Variants in CLN3 observed in about 807,000 individuals in gnomAD.
CLN3 encodes CLN3 lysosomal/endosomal transmembrane protein, battenin.
In CLN3, 49 loss-of-function variants were observed where a neutral mutation model predicts 60.7. The ratio of observed to expected loss-of-function variants is 0.81; its 90% CI spans 0.64 to 1.02. CLN3 has a LOEUF of 1.02. Among genes scored for constraint, CLN3 ranks in the 50% least tolerant of loss-of-function variants. The probability of loss-of-function intolerance (pLI) is 0.00; values close to 1 mark genes in which losing one functional copy is unlikely to be tolerated. For missense variants in CLN3, 516 were observed against 557.4 expected (o/e 0.93, Z 0.75); for synonymous variants, 256 against 245.8 (o/e 1.04, Z -0.39).
At chr16:28,475,729 TTAA>T (rs1345607757), downstream of CLN3, 12 of 152,228 alleles carry the variant, frequency 7.9e-5, no homozygotes, top group African/African-American at 2.7e-4. Context: ...ACTCATGATT[TTAA>T]TAATGTTTCC....
intron 14 of CLN3, chr16:28,479,753 A>G (rs1330830904): frequency 4.8e-6 from 1 of 210,118 alleles, no homozygotes; most frequent in East Asian, 1.6e-4. Context: ...TGGGCAACAG[A>G]GCGAGACTCC....
At chr16:28,487,090 T>G (rs2046232797) in intron 7 of CLN3, 1 of 373,342 alleles carries the variant, frequency 2.7e-6, no homozygotes, top group Non-Finnish European at 5.1e-6. Context: ...TTTGTATTTT[T>G]GGTAGAGACG....
At chr16:28,491,377 G>T in intron 3 of CLN3, 105 bp downstream of exon 3, 1 of 1,461,686 alleles carries the variant, frequency 6.8e-7, no homozygotes. Flanking sequence ...GTAAATATTT[G>T]TGGGTTCAGC....
At chr16:28,481,856 G>A (rs781667927) in intron 14 of CLN3, among the ~76,000 whole-genome samples, 11 of 152,088 alleles carry the variant, frequency 7.2e-5, no homozygotes, top group East Asian at 3.9e-4. Flanking sequence ...GTATGGTGGC[G>A]GGCGCCTGTA....
chr16:28,481,452 ACG>A lies in CLN3; in HGVS notation c.1056+651_1056+652del, dbSNP rs1555468007. Among the ~76,000 whole-genome samples the A allele has an allele frequency of 4.2e-3, 495 of 117,778 alleles. 3 individuals carry two copies. The highest frequency in any genetic ancestry group is 0.016 in the African/African-American group (421 of 26,966). 77.3% of individuals were successfully genotyped at this position (117,778 alleles called of 152,430 possible). On this transcript the variant is annotated intron_variant, in intron 14 of 15. Transcript: ENST00000636147. ...CACACACACACACACACACACACACACGCACACACACACACACACACACTACA... is the reference window on the plus strand; with the variant it reads ...CACACACACACACACACACACACACACACACACACACACACACACACTACA...
intron 7 of CLN3, chr16:28,487,176 G>A: frequency 1.9e-6 from 1 of 522,310 alleles, no homozygotes. Flanking sequence ...TTTCCAAAGT[G>A]CTGGGATTAT....
At chr16:28,482,996 C>G (rs1243535628) in intron 10 of CLN3, among the ~76,000 whole-genome samples, 1 of 151,544 alleles carries the variant, frequency 6.6e-6, no homozygotes, top group Non-Finnish European at 1.5e-5. Flanking sequence ...CCCAGCTACT[C>G]GGGTGGCTGA....
chr16:28,479,925 G>T (rs1490049722), intron 14 of CLN3, among the ~76,000 whole-genome samples: 1 of 152,108 alleles, frequency 6.6e-6, no homozygotes, highest in Admixed American at 6.6e-5. Flanking sequence ...GATAAATAAG[G>T]AAGGAGGCTG....
intron 8 of CLN3, 27 bp downstream of exon 8, chr16:28,486,551 C>T (rs1271986184): frequency 6.2e-7 from 1 of 1,608,058 alleles, no homozygotes; most frequent in South Asian, 1.1e-5. Context: ...ACAGCCTCTC[C>T]CCACACTCCC....
intron 5 of CLN3, 98 bp downstream of exon 5, chr16:28,488,493 A>T: frequency 9.0e-7 from 1 of 1,115,340 alleles, no homozygotes; most frequent in Non-Finnish European, 1.4e-6. Flanking sequence ...AACTGTTTTA[A>T]TCATGACAGT....
intron 4 of CLN3, 90 bp downstream of exon 4, chr16:28,489,200 C>T (rs2141717821): frequency 2.0e-6 from 2 of 1,003,268 alleles, no homozygotes; most frequent in East Asian, 2.6e-5. Context: ...CTGTGCCCAG[C>T]CAGAGACTGG....
Position 28,482,621 on chromosome 16 carries a change from C to T in CLN3, c.837+5G>A, listed in dbSNP as rs756848924. ...ACAGGGACATACCCCAGCCATCATC[C>T]GAACCTTGAACACTGTCCACCTTTC... On this transcript the variant is annotated splice_donor_5th_base_variant and intron_variant, in intron 11 of 15. Transcript: ENST00000636147. 4.6e-5 allele frequency: 74 copies of T among 1,614,024 alleles called. No homozygotes were observed. The highest frequency in any genetic ancestry group is 1.2e-4 in the South Asian group (11 of 91,086).
At chr16:28,482,962 T>C (rs1254288281) in intron 10 of CLN3, among the ~76,000 whole-genome samples, 2 of 151,486 alleles carry the variant, frequency 1.3e-5, no homozygotes, top group African/African-American at 4.8e-5. Context: ...AAATTAGCCA[T>C]GTGTGGTGGC....
intron 4 of CLN3, 106 bp downstream of exon 4, chr16:28,489,184 G>C: frequency 1.2e-6 from 1 of 862,120 alleles, no homozygotes. Flanking sequence ...TTACAGGTGT[G>C]AGCCACTGTG....
In CLN3 at chr16:28,488,373, C is replaced by T. The variant is rs1370725976; in HGVS notation, c.294+218G>A. On this transcript the variant is annotated intron_variant, in intron 5 of 15. Coordinates refer to ENST00000636147, the MANE Select transcript of CLN3 (RefSeq NM_001042432.2). ...TTTTTTCTTTAAGATGGGGGTCTCA[C>T]TATACTGCCCAGGCTGGTCTCAAAC... 4 of 400,548 alleles carry T rather than the reference C, an allele frequency of 1.0e-5. No homozygotes were observed. The East Asian group carries it at 1.5e-4, about 15-fold the overall frequency. The allele number at this position is 400,548 out of a possible 1,614,324, so 24.8% of individuals were successfully genotyped here. A position where few individuals can be genotyped will look rare whatever the true frequency, so the allele number is the denominator to read the frequency against.
intron 3 of CLN3, 81 bp from the exon 4 acceptor site, chr16:28,489,467 G>T: frequency 1.0e-6 from 1 of 971,234 alleles, no homozygotes; most frequent in Non-Finnish European, 1.6e-6. Context: ...TCCCTTACCT[G>T]TGCCCTTCAA....
chr16:28,490,653 C>G (rs1009179499), intron 3 of CLN3, among the ~76,000 whole-genome samples: 1 of 140,602 alleles, frequency 7.1e-6, no homozygotes, highest in African/African-American at 2.7e-5. Flanking sequence ...TCAGCTACTC[C>G]GGAGGCTGAG....
intron 3 of CLN3, 86 bp from the exon 4 acceptor site, chr16:28,489,472 C>T: frequency 1.1e-6 from 1 of 894,728 alleles, no homozygotes; most frequent in Non-Finnish European, 1.8e-6. Context: ...TACCTGTGCC[C>T]TTCAATCAGC....
At chr16:28,488,997 C>A (rs2046268885) in intron 4 of CLN3, among the ~76,000 whole-genome samples, 1 of 152,138 alleles carries the variant, frequency 6.6e-6, no homozygotes, top group African/African-American at 2.4e-5. Context: ...CACCTCCTGG[C>A]TTCAAGCAAT....
Sources: gnomAD v4.1 joint callset for allele counts (sites outside exome capture counted in the v4.1 genomes callset) on GRCh38, gnomAD v4.1.1 for gene constraint, MANE v1.5 for transcripts, NCBI Gene and HGNC (gene_info 2026-07-23, HGNC 2026-07-21) for gene names.